Variants in SLC14A2 observed in about 807,000 individuals in gnomAD.
The protein encoded by SLC14A2 is urea transporter 2.
A neutral mutation model predicts 104.6 loss-of-function variants in SLC14A2; 91 were observed. That is an observed-to-expected ratio of 0.87 (90% confidence interval 0.73 to 1.04). The LOEUF is 1.04. Ranked by LOEUF, SLC14A2 falls within the 50% of genes least tolerant of loss-of-function variation. The pLI is 0.00. For missense variants in SLC14A2, 1,189 were observed against 1,156.0 expected (o/e 1.03, Z -0.41); for synonymous variants, 476 against 466.4 (o/e 1.02, Z -0.27).
intron 2 of SLC14A2, among the ~76,000 whole-genome samples, chr18:45,520,621 C>T (rs2612571): frequency 6.6e-5 from 10 of 151,960 alleles, no homozygotes; most frequent in African/African-American, 1.9e-4. Context: ...TTTTTCTGGG[C>T]GTTTCCATCC....
intron 1 of SLC14A2, among the ~76,000 whole-genome samples, chr18:45,470,998 G>T (rs2087237984): frequency 6.6e-6 from 1 of 151,878 alleles, no homozygotes; most frequent in Non-Finnish European, 1.5e-5. Context: ...GTGTGTGTGT[G>T]TGTGTTGTAA....
At chr18:45,472,681 G>T (rs1445092635) in intron 1 of SLC14A2, among the ~76,000 whole-genome samples, 1 of 152,174 alleles carries the variant, frequency 6.6e-6, no homozygotes, top group Non-Finnish European at 1.5e-5. Context: ...CTTCTTTTGA[G>T]AAGTGTCTGT....
intron 2 of SLC14A2, among the ~76,000 whole-genome samples, chr18:45,598,920 C>G (rs66528651): frequency 0.085 from 12,870 of 152,252 alleles, 657 homozygotes; most frequent in East Asian, 0.19. Context: ...AGGGAAGGCT[C>G]TTCCTCCCAA....
chr18:45,531,434 A>G (rs1405196169), intron 2 of SLC14A2, among the ~76,000 whole-genome samples: 1 of 152,030 alleles, frequency 6.6e-6, no homozygotes, highest in East Asian at 1.9e-4. Flanking sequence ...TTTGATTTGC[A>G]TTTCTCTGAT....
chr18:45,546,686 C>T (rs1039475391), intron 2 of SLC14A2, among the ~76,000 whole-genome samples: 2 of 152,192 alleles, frequency 1.3e-5, no homozygotes, highest in African/African-American at 4.8e-5. Context: ...AGTTGTTAAC[C>T]TTGGGCATTT....
intron 1 of SLC14A2, among the ~76,000 whole-genome samples, chr18:45,426,255 G>A (rs762582074): frequency 2.6e-5 from 4 of 152,020 alleles, no homozygotes; most frequent in African/African-American, 7.2e-5. Flanking sequence ...CAAACTTTCT[G>A]TTCCTTGCTG....
At chr18:45,588,270 C>T (rs936850766) in intron 2 of SLC14A2, among the ~76,000 whole-genome samples, 3 of 152,156 alleles carry the variant, frequency 2.0e-5, no homozygotes, top group Non-Finnish European at 4.4e-5. Flanking sequence ...GGCTGGAGGT[C>T]AGTGAGTCAG....
intron 1 of SLC14A2, among the ~76,000 whole-genome samples, chr18:45,281,547 A>T (rs1268096737): frequency 6.6e-6 from 1 of 152,244 alleles, no homozygotes; most frequent in Non-Finnish European, 1.5e-5. Context: ...GGCTCTTTCC[A>T]ATCCAAATTT....
intron 1 of SLC14A2, among the ~76,000 whole-genome samples, chr18:45,361,469 A>G (rs1213935261): frequency 1.3e-5 from 2 of 152,224 alleles, no homozygotes; most frequent in Non-Finnish European, 1.5e-5. Flanking sequence ...CTTGATTAGA[A>G]TTAAGAATCA....
chr18:45,413,746 A>C (rs1307438997), intron 1 of SLC14A2, among the ~76,000 whole-genome samples: 1 of 152,202 alleles, frequency 6.6e-6, no homozygotes, highest in Admixed American at 6.5e-5. Context: ...CTGAAGCAAC[A>C]GTTTGGATCC....
rs747799837 is a variant in SLC14A2, at chr18:45,624,806, G to T, written c.142G>T (p.Glu48Ter). The T allele has an allele frequency of 3.7e-6, 6 of 1,611,308 alleles. No individual in the cohort carries two copies. Among genetic ancestry groups the T allele is most frequent in the Non-Finnish European group, 5.1e-6 (6 of 1,178,784 alleles). ...HPALPLLEMP[E>*]EKDLRSSNED... ...AGCTCTGCCCCTCCTGGAAATGCCT[G>T]AAGAAAAGGTGAGAAGTGTCCCTCC... The change falls in exon 2 of 20, where the codon GAA (glutamate) becomes TAA (stop). Residue 48 changes from glutamate (E) to a stop codon, truncating the protein, a stop_gained. Transcript: ENST00000255226. LOFTEE classifies it high-confidence loss of function.
chr18:45,641,149 C>G, intron 7 of SLC14A2, 60 bp from the exon 8 acceptor site: 1 of 1,587,416 alleles, frequency 6.3e-7, no homozygotes, highest in East Asian at 2.2e-5. Flanking sequence ...GCACCAGTCC[C>G]AGGGTGGTCT....
intron 19 of SLC14A2, among the ~76,000 whole-genome samples, 193 bp downstream of exon 19, chr18:45,679,217 T>TG (rs1312212333): frequency 1.3e-5 from 2 of 152,244 alleles, no homozygotes; most frequent in African/African-American, 2.4e-5. Context: ...ATTTCAACTG[T>TG]GGGCCAATCC....
At chr18:45,645,728 C>G (rs1277846406) in intron 10 of SLC14A2, among the ~76,000 whole-genome samples, 2 of 132,348 alleles carry the variant, frequency 1.5e-5, no homozygotes. Flanking sequence ...TTGGCAAAGT[C>G]TTAACCCTGT....
intron 2 of SLC14A2, among the ~76,000 whole-genome samples, chr18:45,562,736 A>G (rs1236282192): frequency 1.3e-5 from 2 of 151,686 alleles, no homozygotes; most frequent in South Asian, 2.1e-4. Flanking sequence ...GGAGAAAACA[A>G]TTAGGGATGC....
At chr18:45,315,386 G>C (rs568949822) in intron 1 of SLC14A2, among the ~76,000 whole-genome samples, 1 of 152,282 alleles carries the variant, frequency 6.6e-6, no homozygotes, top group African/African-American at 2.4e-5. Context: ...TTACCCAGCA[G>C]AAGGAGGGTG....
chr18:45,593,174 C>T (rs913616323), intron 2 of SLC14A2, among the ~76,000 whole-genome samples: 98 of 151,972 alleles, frequency 6.4e-4, no homozygotes, highest in African/African-American at 2.3e-3. Flanking sequence ...AAAAATTAGC[C>T]GGGCGTGGTG....
intron 2 of SLC14A2, among the ~76,000 whole-genome samples, chr18:45,533,892 T>A (rs2043739643): frequency 6.6e-6 from 1 of 152,222 alleles, no homozygotes; most frequent in African/African-American, 2.4e-5. Flanking sequence ...GATTCTGGTA[T>A]CACCTTTTCT....
chr18:45,453,351 TG>T (rs1205636894), intron 1 of SLC14A2, among the ~76,000 whole-genome samples: 38 of 152,186 alleles, frequency 2.5e-4, no homozygotes, highest in African/African-American at 8.9e-4. Context: ...CAACTCACTC[TG>T]GGCACAAAAT....
Sources: gnomAD v4.1 joint callset for allele counts (sites outside exome capture counted in the v4.1 genomes callset) on GRCh38, gnomAD v4.1.1 for gene constraint, MANE v1.5 for transcripts, NCBI Gene and HGNC (gene_info 2026-07-23, HGNC 2026-07-21) for gene names.